The following DIAPH3 variants were observed in gnomAD, a reference collection of about 807,000 sequenced individuals.
DIAPH3 encodes the protein diaphanous related formin 3.
Under a neutral mutation model 144.3 loss-of-function variants are expected in DIAPH3, and 117 were observed. The ratio of observed to expected loss-of-function variants is 0.81; its 90% CI spans 0.70 to 0.95. The LOEUF is 0.95. DIAPH3 is among the 40% of genes least tolerant of loss of function. The pLI is 0.00. For missense variants in DIAPH3, 1,421 were observed against 1,412.7 expected (o/e 1.01, Z -0.09); for synonymous variants, 519 against 488.9 (o/e 1.06, Z -0.81).
intron 5 of DIAPH3, 105 bp downstream of exon 5, chr13:60,042,585 C>A: frequency 7.2e-7 from 1 of 1,382,166 alleles, no homozygotes; most frequent in South Asian, 1.2e-5. Context: ...TCAGTTTGTA[C>A]TTTGAGAAAC....
chr13:59,800,336 A>G (rs1027210054), intron 25 of DIAPH3, among the ~76,000 whole-genome samples: 2 of 152,208 alleles, frequency 1.3e-5, no homozygotes, highest in Admixed American at 6.5e-5. Context: ...CTTATATCAA[A>G]GTGCAATGCT....
At chr13:59,759,576 A>C (rs556895209) in intron 27 of DIAPH3, among the ~76,000 whole-genome samples, 154 of 152,312 alleles carry the variant, frequency 1.0e-3, no homozygotes, top group Non-Finnish European at 1.7e-3. Flanking sequence ...AACGGGGATC[A>C]GTAAATGAAG....
intron 4 of DIAPH3, among the ~76,000 whole-genome samples, chr13:60,046,361 C>A (rs1351317793): frequency 1.3e-5 from 2 of 152,006 alleles, no homozygotes; most frequent in Non-Finnish European, 2.9e-5. Flanking sequence ...GGCCAAAAGA[C>A]ATATTAAAAA....
chr13:60,038,982 A>G, intron 5 of DIAPH3, among the ~76,000 whole-genome samples: 1 of 152,168 alleles, frequency 6.6e-6, no homozygotes, highest in East Asian at 1.9e-4. Flanking sequence ...ACTAAAAATA[A>G]TATTTGATAA....
At chr13:60,040,877 G>C (rs1055371135) in intron 5 of DIAPH3, among the ~76,000 whole-genome samples, 1 of 152,006 alleles carries the variant, frequency 6.6e-6, no homozygotes, top group African/African-American at 2.4e-5. Context: ...GCAGTGGCAC[G>C]ATGCCAGCTC....
chr13:60,032,855 C>T (rs1420139326), intron 5 of DIAPH3, among the ~76,000 whole-genome samples: 1 of 152,238 alleles, frequency 6.6e-6, no homozygotes, highest in African/African-American at 2.4e-5. Context: ...GCCACATGGG[C>T]AGGCTGCAAA....
intron 18 of DIAPH3, among the ~76,000 whole-genome samples, chr13:59,918,369 C>T (rs1162249195): frequency 1.3e-5 from 2 of 152,080 alleles, no homozygotes; most frequent in African/African-American, 4.8e-5. Flanking sequence ...AGCATCTAGA[C>T]TGACACTGGT....
At chr13:59,808,225 TAGA>T (rs2040292701) in intron 25 of DIAPH3, among the ~76,000 whole-genome samples, 1 of 151,806 alleles carries the variant, frequency 6.6e-6, no homozygotes, top group Admixed American at 6.6e-5. Flanking sequence ...AAAGCCACAT[TAGA>T]AGGAGGTATT....
intron 3 of DIAPH3, among the ~76,000 whole-genome samples, chr13:60,098,912 G>C (rs1454120516): frequency 6.6e-6 from 1 of 152,126 alleles, no homozygotes; most frequent in Non-Finnish European, 1.5e-5. Flanking sequence ...AAGGCTCAGT[G>C]AGTAATCTGA....
intron 1 of DIAPH3, among the ~76,000 whole-genome samples, chr13:60,141,866 A>T (rs565060245): frequency 6.6e-6 from 1 of 152,238 alleles, no homozygotes; most frequent in East Asian, 1.9e-4. Context: ...AATTTTAAAC[A>T]TGGGGAATTG....
intron 27 of DIAPH3, among the ~76,000 whole-genome samples, chr13:59,765,916 T>C (rs17057201): frequency 0.054 from 8,287 of 152,268 alleles, 312 homozygotes; most frequent in South Asian, 0.11. Context: ...AGTTGGCACA[T>C]GCCTGGAAGA....
At chr13:59,733,262 A>G (rs2035975277) in intron 27 of DIAPH3, among the ~76,000 whole-genome samples, 1 of 152,190 alleles carries the variant, frequency 6.6e-6, no homozygotes, top group African/African-American at 2.4e-5. Flanking sequence ...TGAATATGAA[A>G]ATGTTCACTA....
At chr13:59,942,964 T>G (rs1276717608) in intron 17 of DIAPH3, among the ~76,000 whole-genome samples, 5 of 152,184 alleles carry the variant, frequency 3.3e-5, no homozygotes, top group Non-Finnish European at 7.4e-5. Context: ...GCATTTAAGT[T>G]GTTTATAAAT....
chr13:60,112,271 G>A (rs945099192), intron 2 of DIAPH3, 85 bp from the exon 3 acceptor site: 205 of 1,456,288 alleles, frequency 1.4e-4, no homozygotes, highest in Non-Finnish European at 1.9e-4. Context: ...AAACAAAGAG[G>A]GCCAATCGTG....
chr13:60,001,782 T>C (rs898159590), intron 9 of DIAPH3, among the ~76,000 whole-genome samples: 2 of 152,230 alleles, frequency 1.3e-5, no homozygotes, highest in Non-Finnish European at 2.9e-5. Context: ...ATGCAACTCT[T>C]AGGCAACTAT....
At chr13:60,008,810 T>C (rs982857379) in intron 8 of DIAPH3, among the ~76,000 whole-genome samples, 161 bp from the exon 9 acceptor site, 1 of 152,208 alleles carries the variant, frequency 6.6e-6, no homozygotes, top group Non-Finnish European at 1.5e-5. Context: ...TCTAAGCATG[T>C]TACATTTTAA....
chr13:59,885,082 T>C (rs1217950642), intron 20 of DIAPH3, among the ~76,000 whole-genome samples: 1 of 152,150 alleles, frequency 6.6e-6, no homozygotes, highest in Non-Finnish European at 1.5e-5. Flanking sequence ...TATAAATCCT[T>C]ATCAATTCTG....
At chr13:59,942,652 AG>A (rs1417205427) in intron 17 of DIAPH3, among the ~76,000 whole-genome samples, 1 of 152,200 alleles carries the variant, frequency 6.6e-6, no homozygotes. Flanking sequence ...TGTTAACAAA[AG>A]CTACTGCTGG....
At chr13:59,720,801 T>C (rs1189385964) in intron 27 of DIAPH3, among the ~76,000 whole-genome samples, 4 of 152,204 alleles carry the variant, frequency 2.6e-5, no homozygotes, top group Non-Finnish European at 4.4e-5. Context: ...TTATGTAAGC[T>C]AGTAAGCAAA....
Sources: gnomAD v4.1 joint callset for allele counts (sites outside exome capture counted in the v4.1 genomes callset) on GRCh38, gnomAD v4.1.1 for gene constraint, MANE v1.5 for transcripts, NCBI Gene and HGNC (gene_info 2026-07-23, HGNC 2026-07-21) for gene names.